Variants in PNPLA8 observed in about 807,000 individuals in gnomAD.
PNPLA8 encodes the protein calcium-independent phospholipase A2-gamma.
A neutral mutation model predicts 76.9 loss-of-function variants in PNPLA8; 39 were observed. That is an observed-to-expected ratio of 0.51 (90% CI 0.39 to 0.66). The LOEUF is 0.66. PNPLA8 is among the 30% of genes least tolerant of loss of function. The pLI is 0.00. For missense variants in PNPLA8, 887 were observed against 918.0 expected, an observed-to-expected ratio of 0.97 and a Z score of 0.44; for synonymous variants, 301 against 307.9, an observed-to-expected ratio of 0.98 and a Z score of 0.24.
At chr7:108,498,291 G>A (rs1861702339) in intron 5 of PNPLA8, among the ~76,000 whole-genome samples, 1 of 151,252 alleles carries the variant, frequency 6.6e-6, no homozygotes, top group Admixed American at 6.6e-5. Flanking sequence ...TTTTGAGATG[G>A]AGTCTCACTC....
chr7:108,515,255 T>C lies in PNPLA8; in HGVS notation c.237A>G (p.Leu79=). 1 of 1,603,266 alleles carries C rather than the reference T, an allele frequency of 6.2e-7. No homozygotes were observed. The highest frequency in any genetic ancestry group is 1.3e-5 in the African/African-American group (1 of 74,586). The change falls in exon 3 of 11, where the codon TTA becomes TTG. Residue 79 remains leucine (L), a synonymous_variant. Coordinates refer to ENST00000257694, the MANE Select transcript of PNPLA8 (RefSeq NM_001256007.3). ...TGCTAAGTTTCAAAATCCCAATATG[T>C]AAACCATGGTTGCTTGGAGAGTAAC... ...KHCYSPSNHG[L]HIGILKLSTS...
chr7:108,524,417 A>G (rs1433085619), intron 1 of PNPLA8, among the ~76,000 whole-genome samples: 2 of 152,222 alleles, frequency 1.3e-5, no homozygotes, highest in African/African-American at 4.8e-5. Context: ...AAAACAGGAG[A>G]AAAGCCACCC....
In PNPLA8 at chr7:108,515,157, G is replaced by GATTGCCAA. The variant is rs1863236046; in HGVS notation, c.334_335insTTGGCAAT (p.Ser112PhefsTer14). Reference sequence around the variant, plus strand: ...ATTTTGATTGCCAAAAACAGCCTTTGAAACAGAGTTCAAAGTACTTTTAAT... The same window carrying GATTGCCAA: ...ATTTTGATTGCCAAAAACAGCCTTTGATTGCCAAAAACAGAGTTCAAAGTACTTTTAAT... On this transcript the variant is annotated frameshift_variant, in exon 3 of 11. Transcript: ENST00000257694. LOFTEE classifies it high-confidence loss of function. 1 of 1,607,494 alleles carries GATTGCCAA rather than the reference G, an allele frequency of 6.2e-7. No homozygotes were observed. The highest frequency in any genetic ancestry group is 1.3e-5 in the African/African-American group (1 of 74,728).
At chr7:108,498,001 G>GAAA (rs201923487) in intron 5 of PNPLA8, among the ~76,000 whole-genome samples, 28 of 77,578 alleles carry the variant, frequency 3.6e-4, no homozygotes, top group African/African-American at 1.2e-3. Context: ...CATTTCTACA[G>GAAA]AAAAAAAAAA....
rs1563984698 is a variant in PNPLA8, at chr7:108,515,208, G to T, written c.284C>A (p.Thr95Lys). The T allele has an allele frequency of 1.2e-6, 2 of 1,604,338 alleles. No homozygotes were observed. The highest frequency in any genetic ancestry group is 1.7e-6 in the Non-Finnish European group (2 of 1,173,632). ...KLSTSAPKGL[T>K]KVNICMSRIK... ...ACGGGACATACAAATGTTCACTTTT[G>T]TAAGTCCCTTGGGAGCAGAAGTGCT... Residue 95 changes from threonine to lysine, a missense_variant, in exon 3 of 11, where the codon ACA becomes AAA. By Grantham distance (78) the Thr-to-Lys change is moderately conservative (BLOSUM62 -1). Coordinates refer to ENST00000257694, the MANE Select transcript of PNPLA8 (RefSeq NM_001256007.3).
chr7:108,473,400 A>G (rs936639032), intron 10 of PNPLA8, among the ~76,000 whole-genome samples: 10 of 152,172 alleles, frequency 6.6e-5, no homozygotes, highest in Admixed American at 5.9e-4. Context: ...CTTCATGTGC[A>G]TATGATTGCA....
rs575678172 is a variant in PNPLA8 at position 108,522,313 on chromosome 7, GA to G, written c.-129-793del. ...CCTCTCAAAAAAAAAAACAAAAAAA[GA>G]AAAAAAAAAAACATTTACAATCTAT... On this transcript the variant is annotated intron_variant, in intron 1 of 10. Transcript: ENST00000257694. Among the ~76,000 whole-genome samples, 839 of 138,284 alleles carry G rather than the reference GA, an allele frequency of 6.1e-3. 8 individuals carry two copies. The highest frequency in any genetic ancestry group is 0.017 in the African/African-American group (647 of 38,130). 90.7% of individuals were successfully genotyped at this position (138,284 alleles called of 152,430 possible). A position where few individuals can be genotyped will look rare whatever the true frequency, so the allele number is the denominator to read the frequency against.
intron 1 of PNPLA8, among the ~76,000 whole-genome samples, chr7:108,522,864 TGA>T (rs986742028): frequency 3.9e-4 from 60 of 152,182 alleles, no homozygotes; most frequent in African/African-American, 1.4e-3. Flanking sequence ...TTCATAATCA[TGA>T]GAGATTTAAT....
At position 108,515,389 on chromosome 7, in the gene PNPLA8, G is replaced by T; in HGVS notation, c.103C>A (p.Pro35Thr). The change falls in exon 3 of 11, where the codon CCT (proline) becomes ACT (threonine). Residue 35 changes from proline (P) to threonine (T), a missense_variant. Coordinates refer to ENST00000257694, the MANE Select transcript of PNPLA8 (RefSeq NM_001256007.3). ...RSKQLYFLFS[P>T]KHYWRISHIS... is the part of the protein sequence containing the mutation. ...TGGCTTATCCTCCAGTAATGCTTAGGTGAGAACAAGAAATACAGTTGCTTG... is the reference window on the plus strand; with the variant it reads ...TGGCTTATCCTCCAGTAATGCTTAGTTGAGAACAAGAAATACAGTTGCTTG... 1 of 1,613,020 alleles carries T rather than the reference G, an allele frequency of 6.2e-7. No individual in the cohort carries two copies. The highest frequency in any genetic ancestry group is 8.5e-7 in the Non-Finnish European group (1 of 1,179,450).
At chr7:108,507,708 G>C (rs999807690) in intron 4 of PNPLA8, among the ~76,000 whole-genome samples, 2 of 151,714 alleles carry the variant, frequency 1.3e-5, no homozygotes, top group African/African-American at 2.4e-5. Context: ...TTTTTTAAAG[G>C]TGCAAAAAAA....
At chr7:108,518,451 G>A (rs1311403911) in intron 2 of PNPLA8, 1 of 151,862 alleles carries the variant, frequency 6.6e-6, no homozygotes, top group African/African-American at 2.4e-5. Context: ...CATTTGTTCA[G>A]ACCCACAGAA....
At chr7:108,483,367 C>T (rs540214027) in intron 9 of PNPLA8, among the ~76,000 whole-genome samples, 2 of 152,178 alleles carry the variant, frequency 1.3e-5, no homozygotes, top group Admixed American at 6.5e-5. Context: ...CAGTTTGCCA[C>T]GTCTTTCTAT....
At chr7:108,512,898 T>G (rs1863042837) in intron 4 of PNPLA8, among the ~76,000 whole-genome samples, 2 of 152,180 alleles carry the variant, frequency 1.3e-5, no homozygotes, top group Non-Finnish European at 2.9e-5. Flanking sequence ...AGCAAGACTA[T>G]TTAAACTGCA....
chr7:108,479,501 T>A, intron 9 of PNPLA8, 122 bp from the exon 10 acceptor site: 1 of 684,614 alleles, frequency 1.5e-6, no homozygotes, highest in East Asian at 2.8e-5. Context: ...ATTTCTTTTA[T>A]AGACTACAGC....
chr7:108,475,036 G>C (rs1453842580), intron 10 of PNPLA8, among the ~76,000 whole-genome samples: 3 of 152,118 alleles, frequency 2.0e-5, no homozygotes, highest in Non-Finnish European at 4.4e-5. Flanking sequence ...CCTCCTGTCA[G>C]ATCAGTGGTG....
intron 5 of PNPLA8, among the ~76,000 whole-genome samples, chr7:108,498,494 C>T (rs1381483389): frequency 6.6e-6 from 1 of 150,574 alleles, no homozygotes; most frequent in Non-Finnish European, 1.5e-5. Context: ...AGGATGGTCT[C>T]GATCTCCTGA....
intron 9 of PNPLA8, among the ~76,000 whole-genome samples, chr7:108,487,194 T>G (rs1312560570): frequency 6.6e-6 from 1 of 152,192 alleles, no homozygotes; most frequent in East Asian, 1.9e-4. Flanking sequence ...ACTCTGTAAC[T>G]TAACAGCTGT....
intron 9 of PNPLA8, among the ~76,000 whole-genome samples, chr7:108,480,054 C>T (rs970840801): frequency 6.6e-6 from 1 of 151,998 alleles, no homozygotes; most frequent in African/African-American, 2.4e-5. Context: ...ACATCATAAA[C>T]ATTATATTGT....
At position 108,472,187 on chromosome 7, in the gene PNPLA8, T is replaced by C; in HGVS notation, c.*214A>G. 2.4e-6 allele frequency: 1 copy of C among 423,598 alleles called. No homozygotes were observed. The highest frequency in any genetic ancestry group is 4.3e-6 in the Non-Finnish European group (1 of 233,048). The allele number at this position is 423,598 out of a possible 1,614,324, so 26.2% of individuals were successfully genotyped here. On this transcript the variant is annotated 3_prime_UTR_variant, in exon 11 of 11. Coordinates refer to ENST00000257694, the MANE Select transcript of PNPLA8 (RefSeq NM_001256007.3). ...GTAAGGGTTACTAAAGCTTAGCTAA[T>C]TATTAACATCTTAAAAGCCTAGTTC...
Sources: allele counts gnomAD v4.1 joint callset (sites outside exome capture counted in the v4.1 genomes callset), GRCh38; gene constraint gnomAD v4.1.1; transcripts MANE v1.5; gene names NCBI Gene and HGNC (gene_info 2026-07-23, HGNC 2026-07-21).